TSPAN18: variants seen among roughly 807,000 people sequenced by gnomAD.
The protein encoded by TSPAN18 is tetraspanin 18.
In TSPAN18, 14 loss-of-function variants were observed where a neutral mutation model predicts 27.3. The observed-to-expected ratio is 0.51, with a 90% CI of 0.34 to 0.80. TSPAN18 has a LOEUF of 0.80. TSPAN18 is among the 30% of genes least tolerant of loss of function. The pLI is 0.01. For missense variants in TSPAN18, 268 were observed against 323.9 expected (o/e 0.83, Z 1.32); for synonymous variants, 143 against 136.5 (o/e 1.05, Z -0.33).
intron 1 of TSPAN18, among the ~76,000 whole-genome samples, chr11:44,748,402 GAA>G (rs550665381): frequency 8.6e-6 from 1 of 115,794 alleles, no homozygotes; most frequent in Non-Finnish European, 1.9e-5. Flanking sequence ...TTTCTCAAAA[GAA>G]AAAAAAAAAA....
At chr11:44,843,515 C>T (rs973775079) in intron 2 of TSPAN18, among the ~76,000 whole-genome samples, 2 of 152,198 alleles carry the variant, frequency 1.3e-5, no homozygotes, top group East Asian at 3.8e-4. Context: ...GTCATTGATA[C>T]CATCTTATCA....
chr11:44,767,006 T>A (rs761064481), intron 2 of TSPAN18, among the ~76,000 whole-genome samples: 7 of 152,170 alleles, frequency 4.6e-5, no homozygotes, highest in African/African-American at 7.2e-5. Flanking sequence ...CCCCTTGGAA[T>A]AGTGTAGCCT....
chr11:44,866,526 G>A (rs2135227857), intron 3 of TSPAN18, among the ~76,000 whole-genome samples: 1 of 152,310 alleles, frequency 6.6e-6, no homozygotes, highest in East Asian at 1.9e-4. Context: ...GCACAGCTGT[G>A]GTCTTTGGTT....
intron 2 of TSPAN18, among the ~76,000 whole-genome samples, chr11:44,810,133 A>G (rs948421000): frequency 6.6e-6 from 1 of 152,144 alleles, no homozygotes; most frequent in African/African-American, 2.4e-5. Flanking sequence ...TCCAAAAACC[A>G]TTTATTGAGG....
intron 2 of TSPAN18, among the ~76,000 whole-genome samples, chr11:44,775,097 C>T (rs923738249): frequency 6.6e-6 from 1 of 152,202 alleles, no homozygotes; most frequent in Admixed American, 6.5e-5. Flanking sequence ...TGTCTGCTGT[C>T]ACCTGCATAC....
chr11:44,919,015 T>C (rs1476207522), intron 6 of TSPAN18, among the ~76,000 whole-genome samples, 199 bp from the exon 7 acceptor site: 1 of 151,606 alleles, frequency 6.6e-6, no homozygotes, highest in Non-Finnish European at 1.5e-5. Flanking sequence ...TGCATGTGTA[T>C]GGACTTCCTT....
Position 44,907,131 on chromosome 11 carries a change from G to T in TSPAN18, c.63+652G>T, listed in dbSNP as rs1362134205. On this transcript the variant is annotated intron_variant, in intron 4 of 9. Coordinates refer to ENST00000520358, the MANE Select transcript of TSPAN18 (RefSeq NM_130783.5). ...CATTTCCATCTAGCCTATGGATTCTGTATATGAAGGGACAGCCCCGGACAT... is the reference window on the plus strand; with the variant it reads ...CATTTCCATCTAGCCTATGGATTCTTTATATGAAGGGACAGCCCCGGACAT... 6.0e-4 allele frequency among the ~76,000 whole-genome samples: 19 copies of T among 31,638 alleles called. No individual in the cohort carries two copies. In the East Asian group the frequency reaches 0.024, roughly 39 times the overall value. 20.8% of individuals were successfully genotyped at this position (31,638 alleles called of 152,430 possible).
chr11:44,865,236 G>A (rs150093264), intron 3 of TSPAN18, among the ~76,000 whole-genome samples: 4 of 152,306 alleles, frequency 2.6e-5, no homozygotes, highest in African/African-American at 9.6e-5. Context: ...CAGCTCTGAG[G>A]CTGGGTGACC....
intron 2 of TSPAN18, among the ~76,000 whole-genome samples, chr11:44,826,060 C>T (rs549134238): frequency 6.6e-6 from 1 of 152,298 alleles, no homozygotes; most frequent in Non-Finnish European, 1.5e-5. Context: ...GAGATAGGGG[C>T]CACACTCTTA....
intron 3 of TSPAN18, among the ~76,000 whole-genome samples, chr11:44,897,589 C>T (rs1259985198): frequency 6.6e-6 from 1 of 152,214 alleles, no homozygotes; most frequent in Admixed American, 6.5e-5. Flanking sequence ...GGAGTGGCCT[C>T]AGGTGCTGAG....
chr11:44,912,723 G>A (rs756606369), intron 5 of TSPAN18, among the ~76,000 whole-genome samples: 5 of 152,140 alleles, frequency 3.3e-5, no homozygotes, highest in Admixed American at 6.5e-5. Context: ...GTGTGTGTTT[G>A]TGTGTACATG....
At chr11:44,805,523 G>A (rs1188223582) in intron 2 of TSPAN18, among the ~76,000 whole-genome samples, 1 of 152,198 alleles carries the variant, frequency 6.6e-6, no homozygotes, top group Non-Finnish European at 1.5e-5. Flanking sequence ...CTGGGCCAGG[G>A]AGATTGAGTT....
chr11:44,735,756 A>G (rs1174455764), intron 1 of TSPAN18, among the ~76,000 whole-genome samples: 1 of 152,050 alleles, frequency 6.6e-6, no homozygotes, highest in Admixed American at 6.6e-5. Flanking sequence ...AGTTGGGACT[A>G]CAGGTGCCCA....
Position 44,909,778 on chromosome 11 carries a change from C to T in TSPAN18, c.137C>T (p.Ala46Val). ...CCCACCGGCTTCCGGGAGATCGTGGCTGCCAATCCTCTGCTCCTCACGGGC... is the reference window on the plus strand; with the variant it reads ...CCCACCGGCTTCCGGGAGATCGTGGTTGCCAATCCTCTGCTCCTCACGGGC... ...VDPTGFREIV[A>V]ANPLLLTGAY... Residue 46 changes from alanine (A) to valine (V), a missense_variant, in exon 5 of 10, where the codon GCT (alanine) becomes GTT (valine). Ala to Val is a moderately conservative substitution (Grantham distance 64). Coordinates refer to ENST00000520358, the MANE Select transcript of TSPAN18 (RefSeq NM_130783.5). 1 of 1,613,988 alleles carries T rather than the reference C, an allele frequency of 6.2e-7. No homozygotes were observed. The highest frequency in any genetic ancestry group is 8.5e-7 in the Non-Finnish European group (1 of 1,180,024).
At chr11:44,843,270 C>T (rs112706965) in intron 2 of TSPAN18, among the ~76,000 whole-genome samples, 1,991 of 152,146 alleles carry the variant, frequency 0.013, 24 homozygotes, top group African/African-American at 0.023. Flanking sequence ...GCTGGGCATC[C>T]GGGGGAGACA....
At chr11:44,858,489 C>T (rs915582213) in intron 2 of TSPAN18, among the ~76,000 whole-genome samples, 6 of 152,218 alleles carry the variant, frequency 3.9e-5, no homozygotes, top group Admixed American at 2.0e-4. Context: ...TGAGGCCCCA[C>T]GCAGGTGAGG....
At chr11:44,731,723 T>G (rs555971244) in intron 1 of TSPAN18, among the ~76,000 whole-genome samples, 54 of 152,110 alleles carry the variant, frequency 3.6e-4, no homozygotes, top group Non-Finnish European at 7.4e-4. Flanking sequence ...TTCCTTTCTC[T>G]GCCTCATTGA....
At chr11:44,782,415 C>A (rs887858584) in intron 2 of TSPAN18, among the ~76,000 whole-genome samples, 1 of 151,834 alleles carries the variant, frequency 6.6e-6, no homozygotes, top group Admixed American at 6.6e-5. Flanking sequence ...TAGTAGTGGG[C>A]GCCTGTAATC....
intron 2 of TSPAN18, among the ~76,000 whole-genome samples, chr11:44,789,953 G>A (rs952449251): frequency 2.0e-5 from 3 of 152,194 alleles, no homozygotes; most frequent in Non-Finnish European, 4.4e-5. Context: ...CCCTTTCTGA[G>A]TGCGTTAGGG....
Sources: allele counts gnomAD v4.1 joint callset (sites outside exome capture counted in the v4.1 genomes callset), GRCh38; gene constraint gnomAD v4.1.1; transcripts MANE v1.5; gene names NCBI Gene and HGNC (gene_info 2026-07-23, HGNC 2026-07-21).